The following MAGI1 variants were observed in gnomAD, a reference collection of about 807,000 sequenced individuals.
The protein encoded by MAGI1 is membrane associated guanylate kinase, WW and PDZ domain containing 1.
A neutral mutation model predicts 139.9 loss-of-function variants in MAGI1; 58 were observed. That is an observed-to-expected ratio of 0.41 (90% CI 0.34 to 0.52). MAGI1 has a LOEUF of 0.52. MAGI1 is among the 20% of genes least tolerant of loss of function. The pLI is 0.12. For missense variants in MAGI1, 1,874 were observed against 1,901.6 expected (o/e 0.99, Z 0.27); for synonymous variants, 812 against 737.9 (o/e 1.10, Z -1.63).
chr3:65,929,151 C>A (rs200398057), intron 1 of MAGI1, among the ~76,000 whole-genome samples: 3 of 99,814 alleles, frequency 3.0e-5, no homozygotes, highest in African/African-American at 4.4e-5. Context: ...GAGACAATGC[C>A]GCAAAAAAAA....
Position 65,957,719 on chromosome 3 carries a change from C to A in MAGI1, c.313+80277G>T, listed in dbSNP as rs894513068. On this transcript the variant is annotated intron_variant, in intron 1 of 22. Transcript: ENST00000402939. ...ATGGTTACCAGGGAGCGAGCCTACC[C>A]GGGGGCTTCCTGGTTGCTATTATGT... Among the ~76,000 whole-genome samples the A allele has an allele frequency of 3.3e-5, 5 of 151,944 alleles. No homozygotes were observed. In the East Asian group the frequency reaches 9.7e-4, roughly 29 times the overall value.
At chr3:65,764,659 T>A (rs931700059) in intron 1 of MAGI1, among the ~76,000 whole-genome samples, 1 of 152,212 alleles carries the variant, frequency 6.6e-6, no homozygotes, top group Admixed American at 6.5e-5. Context: ...ACAGCAGACA[T>A]CTACCATCCA....
At chr3:65,442,440 T>A (rs1264286634) in intron 8 of MAGI1, among the ~76,000 whole-genome samples, 5 of 152,176 alleles carry the variant, frequency 3.3e-5, no homozygotes. Context: ...CTTGTAAAGA[T>A]AAACAATCCC....
rs1054201307 is a variant in MAGI1, at chr3:65,618,601, G to T, written c.430+3371C>A. 6.6e-5 allele frequency among the ~76,000 whole-genome samples: 10 copies of T among 151,610 alleles called. No individual in the cohort carries two copies. The South Asian group carries it at 1.3e-3, about 19-fold the overall frequency. ...TTCTTTTACTCTCAATAGTCTGTTT[G>T]TATATTACTCTAATCAGGCTATTAC... is the stretch of plus-strand genomic sequence containing the variant. On this transcript the variant is annotated intron_variant, in intron 2 of 22. Coordinates refer to ENST00000402939, the MANE Select transcript of MAGI1 (RefSeq NM_001033057.2).
intron 6 of MAGI1, among the ~76,000 whole-genome samples, chr3:65,449,155 AG>A (rs1341103000): frequency 2.0e-5 from 3 of 151,582 alleles, no homozygotes; most frequent in Admixed American, 2.0e-4. Context: ...GGATAGCATT[AG>A]GAGAAATACC....
At chr3:66,033,559 G>A (rs1404869475) in intron 1 of MAGI1, among the ~76,000 whole-genome samples, 1 of 152,146 alleles carries the variant, frequency 6.6e-6, no homozygotes, top group East Asian at 1.9e-4. Flanking sequence ...GTTTTAAAAT[G>A]AGAGTTATTG....
intron 7 of MAGI1, among the ~76,000 whole-genome samples, chr3:65,445,976 A>C (rs1202510493): frequency 2.6e-5 from 4 of 152,196 alleles, no homozygotes; most frequent in Admixed American, 2.6e-4. Context: ...TCTGGAGTGA[A>C]TGCAACAGAA....
Position 66,003,164 on chromosome 3 carries a change from A to G in MAGI1, c.313+34832T>C, listed in dbSNP as rs544789443. On this transcript the variant is annotated intron_variant, in intron 1 of 22. Transcript: ENST00000402939. The stretch of plus-strand genomic sequence containing the variant: ...TGAACAGGGCAGTTGGTGCAAAACT[A>G]CAAAGCCCTTTCCCCTTGAACAGCA... Among the ~76,000 whole-genome samples, 227 of 152,292 alleles carry G rather than the reference A, an allele frequency of 1.5e-3. 1 individual carries two copies. The highest frequency in any genetic ancestry group is 4.7e-3 in the African/African-American group (197 of 41,542).
intron 6 of MAGI1, chr3:65,452,692 G>C (rs1434415601): frequency 6.6e-6 from 1 of 151,940 alleles, no homozygotes; most frequent in Non-Finnish European, 1.5e-5. Flanking sequence ...GATTAACAGG[G>C]AGAGTGGTGC....
At chr3:65,626,345 G>C (rs2083970303) in intron 1 of MAGI1, among the ~76,000 whole-genome samples, 1 of 152,056 alleles carries the variant, frequency 6.6e-6, no homozygotes, top group Non-Finnish European at 1.5e-5. Flanking sequence ...TTTTTTTGGA[G>C]ACAGAGTCTT....
intron 1 of MAGI1, among the ~76,000 whole-genome samples, chr3:65,649,252 T>C (rs1436845084): frequency 6.6e-6 from 1 of 152,004 alleles, no homozygotes; most frequent in Non-Finnish European, 1.5e-5. Context: ...TGGAGTGGTG[T>C]GCACCTGTAG....
At chr3:65,878,889 G>C (rs1273570570) in intron 1 of MAGI1, among the ~76,000 whole-genome samples, 1 of 152,060 alleles carries the variant, frequency 6.6e-6, no homozygotes, top group Non-Finnish European at 1.5e-5. Flanking sequence ...AAAGAGCAGA[G>C]GTGAGTATGG....
intron 12 of MAGI1, among the ~76,000 whole-genome samples, chr3:65,410,422 T>G (rs1006321646): frequency 6.6e-6 from 1 of 152,228 alleles, no homozygotes; most frequent in Non-Finnish European, 1.5e-5. Flanking sequence ...TAGCTGGGGA[T>G]ACTTGGTCTA....
At chr3:65,808,723 A>G (rs2041032257) in intron 1 of MAGI1, among the ~76,000 whole-genome samples, 1 of 152,068 alleles carries the variant, frequency 6.6e-6, no homozygotes, top group Non-Finnish European at 1.5e-5. Flanking sequence ...TTCTCCACCC[A>G]CCTCACAAAT....
chr3:65,454,368 C>A (rs1245778713), intron 5 of MAGI1, among the ~76,000 whole-genome samples: 2 of 138,720 alleles, frequency 1.4e-5, no homozygotes, highest in African/African-American at 5.3e-5. Context: ...ACATCACACT[C>A]TGGGGACTGT....
At chr3:65,646,545 A>T (rs1402831706) in intron 1 of MAGI1, among the ~76,000 whole-genome samples, 6 of 152,134 alleles carry the variant, frequency 3.9e-5, no homozygotes, top group Admixed American at 6.5e-5. Flanking sequence ...CCTTCAAACA[A>T]CAGGATCCAA....
intron 1 of MAGI1, among the ~76,000 whole-genome samples, chr3:65,826,950 C>A (rs17372614): frequency 6.6e-6 from 1 of 151,978 alleles, no homozygotes; most frequent in African/African-American, 2.4e-5. Flanking sequence ...TCAGTTTCTC[C>A]TCATATTACC....
At chr3:65,474,486 T>A (rs112628765) in intron 4 of MAGI1, among the ~76,000 whole-genome samples, 1 of 152,166 alleles carries the variant, frequency 6.6e-6, no homozygotes, top group African/African-American at 2.4e-5. Flanking sequence ...GAAGTTAATA[T>A]ATGGATTGCT....
At chr3:65,700,062 G>A (rs1576792059) in intron 1 of MAGI1, among the ~76,000 whole-genome samples, 2 of 152,022 alleles carry the variant, frequency 1.3e-5, no homozygotes, top group Non-Finnish European at 2.9e-5. Context: ...TTTAGAAACT[G>A]ATTTTTAACT....
Sources: allele counts gnomAD v4.1 joint callset (sites outside exome capture counted in the v4.1 genomes callset), GRCh38; gene constraint gnomAD v4.1.1; transcripts MANE v1.5; gene names NCBI Gene and HGNC (gene_info 2026-07-23, HGNC 2026-07-21).